ERC1: variants seen among roughly 807,000 people sequenced by gnomAD.
ERC1 encodes the protein ELKS/RAB6-interacting/CAST family member 1.
In ERC1, 56 loss-of-function variants were observed where a neutral mutation model predicts 132.0. The ratio of observed to expected loss-of-function variants is 0.42; its 90% CI spans 0.34 to 0.53. ERC1 has a LOEUF of 0.53. ERC1 is among the 20% of genes least tolerant of loss of function. The pLI, the probability that ERC1 is intolerant of heterozygous loss-of-function variation, is 0.03. For missense variants in ERC1, 1,202 were observed against 1,349.9 expected (o/e 0.89, Z 1.72); for synonymous variants, 478 against 476.1 (o/e 1.00, Z -0.05).
chr12:1,077,645 A>T (rs1479847891), intron 2 of ERC1, among the ~76,000 whole-genome samples: 1 of 152,160 alleles, frequency 6.6e-6, no homozygotes, highest in African/African-American at 2.4e-5. Flanking sequence ...GGAGTGTGAG[A>T]TCATTTTGCA....
At chr12:1,056,849 G>A (rs35418676) in intron 2 of ERC1, among the ~76,000 whole-genome samples, 4,742 of 152,216 alleles carry the variant, frequency 0.031, 105 homozygotes, top group Non-Finnish European at 0.052. Flanking sequence ...CTCTTTGTTA[G>A]AAAAGAAATT....
At chr12:1,198,185 C>A (rs952456441) in intron 12 of ERC1, among the ~76,000 whole-genome samples, 1 of 152,154 alleles carries the variant, frequency 6.6e-6, no homozygotes, top group Non-Finnish European at 1.5e-5. Flanking sequence ...GCCTCTGCAT[C>A]CCAAAGTGAT....
intron 15 of ERC1, among the ~76,000 whole-genome samples, chr12:1,336,632 C>A (rs2083336436): frequency 6.6e-6 from 1 of 152,024 alleles, no homozygotes; most frequent in East Asian, 1.9e-4. Context: ...TATTTCAGTT[C>A]TTTTGCATTT....
chr12:1,470,328 G>A (rs555983897), intron 18 of ERC1, among the ~76,000 whole-genome samples: 89 of 152,238 alleles, frequency 5.8e-4, no homozygotes, highest in Non-Finnish European at 1.0e-3. Flanking sequence ...TTGCCTGGAC[G>A]TGGATCAGGC....
intron 1 of ERC1, among the ~76,000 whole-genome samples, chr12:1,000,645 C>G (rs536690609): frequency 6.6e-6 from 1 of 152,254 alleles, no homozygotes; most frequent in South Asian, 2.1e-4. Flanking sequence ...TGCCTGTAGT[C>G]CTAGCTATTT....
intron 3 of ERC1, among the ~76,000 whole-genome samples, chr12:1,093,984 TAGAAAAAC>T (rs1943664090): frequency 7.6e-6 from 1 of 131,358 alleles, no homozygotes; most frequent in Non-Finnish European, 1.6e-5. Flanking sequence ...TATATATATA[TAGAAAAAC>T]ATAGAAAATG....
At chr12:1,464,345 T>C (rs1220500994) in intron 18 of ERC1, among the ~76,000 whole-genome samples, 1 of 152,052 alleles carries the variant, frequency 6.6e-6, no homozygotes, top group Non-Finnish European at 1.5e-5. Flanking sequence ...TGTTCGTGGC[T>C]CGCCTATCAG....
chr12:1,385,829 A>G (rs1431960593), intron 16 of ERC1: 1 of 152,122 alleles, frequency 6.6e-6, no homozygotes, highest in Non-Finnish European at 1.5e-5. Flanking sequence ...CTTAATACAT[A>G]TTTTAACAAT....
At chr12:1,049,881 T>A (rs1323650166) in intron 2 of ERC1, among the ~76,000 whole-genome samples, 1 of 151,864 alleles carries the variant, frequency 6.6e-6, no homozygotes, top group Admixed American at 6.6e-5. Context: ...GCCTCCTGAT[T>A]TACAGGCATG....
chr12:1,290,046 G>A, intron 15 of ERC1, 34 bp downstream of exon 15: 4 of 1,584,758 alleles, frequency 2.5e-6, no homozygotes, highest in Non-Finnish European at 3.5e-6. Context: ...TCAAGCATAT[G>A]CTTAGTGGAA....
chr12:1,190,437 T>C (rs1489358470), intron 12 of ERC1, among the ~76,000 whole-genome samples: 1 of 152,202 alleles, frequency 6.6e-6, no homozygotes, highest in East Asian at 1.9e-4. Context: ...GTTTAGACCT[T>C]TGTTGTTGAG....
At chr12:1,382,772 GA>G in intron 16 of ERC1, among the ~76,000 whole-genome samples, 1 of 152,272 alleles carries the variant, frequency 6.6e-6, no homozygotes, top group South Asian at 2.1e-4. Flanking sequence ...CGTGTGTAAA[GA>G]TTGTTTAACT....
chr12:1,129,481 G>A (rs1948546344), intron 7 of ERC1, among the ~76,000 whole-genome samples: 1 of 152,176 alleles, frequency 6.6e-6, no homozygotes, highest in African/African-American at 2.4e-5. Flanking sequence ...AGCTATGATT[G>A]TGCCACTGCA....
intron 12 of ERC1, among the ~76,000 whole-genome samples, chr12:1,227,333 T>C (rs1489199407): frequency 1.3e-5 from 2 of 152,228 alleles, no homozygotes; most frequent in Non-Finnish European, 2.9e-5. Context: ...CTAACTGGTA[T>C]GAGGTGATAT....
At chr12:1,014,565 G>A (rs560414285) in intron 1 of ERC1, among the ~76,000 whole-genome samples, 77 of 152,214 alleles carry the variant, frequency 5.1e-4, no homozygotes, top group South Asian at 2.3e-3. Context: ...GATTCCATCT[G>A]GTCTTTCAGA....
intron 8 of ERC1, among the ~76,000 whole-genome samples, chr12:1,158,607 C>CTTT (rs10713768): frequency 1.5e-5 from 2 of 134,422 alleles, no homozygotes; most frequent in African/African-American, 5.5e-5. Flanking sequence ...TTTTTCTTTT[C>CTTT]TTTTTTTTTT....
At chr12:1,071,607 AAC>A (rs1424527339) in intron 2 of ERC1, among the ~76,000 whole-genome samples, 2 of 151,940 alleles carry the variant, frequency 1.3e-5, no homozygotes, top group East Asian at 3.9e-4. Context: ...CAAGTCCTTT[AAC>A]AGTTATATGT....
chr12:1,032,749 C>G (rs1310350462), intron 2 of ERC1, among the ~76,000 whole-genome samples: 1 of 152,162 alleles, frequency 6.6e-6, no homozygotes, highest in African/African-American at 2.4e-5. Flanking sequence ...CAGTACAATA[C>G]TGACTTTAGT....
At chr12:1,454,364 C>G (rs985558039) in intron 18 of ERC1, among the ~76,000 whole-genome samples, 1 of 152,138 alleles carries the variant, frequency 6.6e-6, no homozygotes, top group Admixed American at 6.5e-5. Context: ...GTCCCATAAG[C>G]CATTCTATCA....
Sources: allele counts gnomAD v4.1 joint callset (sites outside exome capture counted in the v4.1 genomes callset), GRCh38; gene constraint gnomAD v4.1.1; transcripts MANE v1.5; gene names NCBI Gene and HGNC (gene_info 2026-07-23, HGNC 2026-07-21).